SLC44A5: variants seen among roughly 807,000 people sequenced by gnomAD.
SLC44A5 encodes the protein solute carrier family 44 member 5, also known as choline transporter-like protein 5.
Under a neutral mutation model 101.8 loss-of-function variants are expected in SLC44A5, and 57 were observed. The observed-to-expected ratio is 0.56, with a 90% CI of 0.45 to 0.70. The LOEUF is 0.70. Among genes scored for constraint, SLC44A5 ranks in the 30% least tolerant of loss-of-function variants. SLC44A5 has a pLI of 0.00. For missense variants in SLC44A5, 737 were observed against 853.1 expected (o/e 0.86, Z 1.70); for synonymous variants, 281 against 290.9 (o/e 0.97, Z 0.35).
At chr1:75,646,600 T>G in the SLC44A5 span, among the ~76,000 whole-genome samples, 22 of 151,972 alleles carry the variant, frequency 1.4e-4, no homozygotes, top group South Asian at 3.9e-3. Context: ...TCATGGGAGG[T>G]AATTAGAACA....
chr1:75,340,571 C>T (rs916263856), intron 3 of SLC44A5, among the ~76,000 whole-genome samples: 4 of 152,222 alleles, frequency 2.6e-5, no homozygotes, highest in Admixed American at 2.0e-4. Flanking sequence ...TGCCTCACTG[C>T]AACAGATAAT....
chr1:75,467,964 A>C (rs923656320), intron 2 of SLC44A5, among the ~76,000 whole-genome samples: 2 of 152,098 alleles, frequency 1.3e-5, no homozygotes, highest in African/African-American at 4.8e-5. Flanking sequence ...ATACATAAGG[A>C]ACTCAACTCT....
the SLC44A5 span, among the ~76,000 whole-genome samples, chr1:75,693,884 T>C: frequency 1.3e-5 from 2 of 151,876 alleles, no homozygotes; most frequent in South Asian, 4.2e-4. Context: ...TTTAGCAAGA[T>C]AAAAAGTAAT....
At chr1:75,321,113 T>A (rs753453875) in intron 4 of SLC44A5, among the ~76,000 whole-genome samples, 1 of 152,180 alleles carries the variant, frequency 6.6e-6, no homozygotes, top group Non-Finnish European at 1.5e-5. Flanking sequence ...CATTTGTTGC[T>A]CAGAAATCTT....
intron 13 of SLC44A5, among the ~76,000 whole-genome samples, chr1:75,226,885 A>C (rs2100537613): frequency 6.6e-6 from 1 of 152,314 alleles, no homozygotes; most frequent in Admixed American, 6.5e-5. Flanking sequence ...CATTTAAATA[A>C]ATATTTACAT....
chr1:75,225,139 C>T (rs1450762985), intron 13 of SLC44A5, among the ~76,000 whole-genome samples: 1 of 152,118 alleles, frequency 6.6e-6, no homozygotes, highest in East Asian at 1.9e-4. Flanking sequence ...ACACGGGTAC[C>T]ATTTTAAAAA....
At chr1:75,711,925 A>G in the SLC44A5 span, among the ~76,000 whole-genome samples, 4 of 152,192 alleles carry the variant, frequency 2.6e-5, no homozygotes. Context: ...TTGGTCTCAG[A>G]TATTTCCAGT....
intron 4 of SLC44A5, among the ~76,000 whole-genome samples, chr1:75,302,164 C>T (rs987569909): frequency 4.2e-5 from 4 of 95,864 alleles, no homozygotes; most frequent in African/African-American, 1.3e-4. Flanking sequence ...AGCAAAAACA[C>T]GCTTGGGTGT....
the SLC44A5 span, among the ~76,000 whole-genome samples, chr1:75,645,028 G>T: frequency 0.077 from 11,650 of 152,052 alleles, 1,502 homozygotes; most frequent in African/African-American, 0.27. Flanking sequence ...GTGTATCATT[G>T]TTGGACATTT....
chr1:75,615,423 A>G (rs1238898867), upstream of SLC44A5, among the ~76,000 whole-genome samples: 3 of 100,774 alleles, frequency 3.0e-5, no homozygotes, highest in Non-Finnish European at 6.2e-5. Flanking sequence ...TCTTACACAC[A>G]CACACACATA....
At chr1:75,491,838 A>T (rs569164816) in intron 2 of SLC44A5, among the ~76,000 whole-genome samples, 2 of 152,300 alleles carry the variant, frequency 1.3e-5, no homozygotes, top group East Asian at 1.9e-4. Flanking sequence ...TTCTAAAGAA[A>T]GGTTATTTTG....
At chr1:75,415,228 G>C (rs979768398) in intron 2 of SLC44A5, among the ~76,000 whole-genome samples, 3 of 152,170 alleles carry the variant, frequency 2.0e-5, no homozygotes, top group African/African-American at 7.2e-5. Flanking sequence ...TGTTGTGGGA[G>C]GGACCTGGTG....
chr1:75,560,670 G>A (rs1182204216), intron 1 of SLC44A5, among the ~76,000 whole-genome samples: 2 of 152,076 alleles, frequency 1.3e-5, no homozygotes, highest in South Asian at 4.1e-4. Flanking sequence ...TTTTGTCTGT[G>A]GCAGATTTGG....
At chr1:75,317,871 C>T (rs1229154923) in intron 4 of SLC44A5, among the ~76,000 whole-genome samples, 2 of 152,090 alleles carry the variant, frequency 1.3e-5, no homozygotes, top group African/African-American at 2.4e-5. Context: ...ACCTAAGTAC[C>T]TCCAAAGGCC....
chr1:75,510,394 T>G (rs1669502251), intron 2 of SLC44A5, among the ~76,000 whole-genome samples: 2 of 152,126 alleles, frequency 1.3e-5, no homozygotes, highest in African/African-American at 4.8e-5. Context: ...ATTTAAGAGA[T>G]AAAAATTTAT....
At chr1:75,388,056 T>C (rs919163215) in intron 3 of SLC44A5, among the ~76,000 whole-genome samples, 3 of 116,810 alleles carry the variant, frequency 2.6e-5, no homozygotes, top group African/African-American at 1.0e-4. Context: ...CTCTGGTGAC[T>C]GTTGTGGGGT....
At chr1:75,659,132 A>T in the SLC44A5 span, among the ~76,000 whole-genome samples, 1 of 151,862 alleles carries the variant, frequency 6.6e-6, no homozygotes, top group Non-Finnish European at 1.5e-5. Flanking sequence ...ACAGTAATAA[A>T]GAGTTTCCCA....
the SLC44A5 span, among the ~76,000 whole-genome samples, chr1:75,620,192 A>T: frequency 6.6e-6 from 1 of 152,114 alleles, no homozygotes; most frequent in Non-Finnish European, 1.5e-5. Context: ...ACAGTATTCC[A>T]TGGTGTATAT....
intron 3 of SLC44A5, among the ~76,000 whole-genome samples, chr1:75,374,017 G>A (rs1660402168): frequency 6.6e-6 from 1 of 152,192 alleles, no homozygotes; most frequent in Non-Finnish European, 1.5e-5. Context: ...CACCAGACCA[G>A]TCCAGAAAGG....
Sources: gnomAD v4.1 joint callset for allele counts (sites outside exome capture counted in the v4.1 genomes callset) on GRCh38, gnomAD v4.1.1 for gene constraint, MANE v1.5 for transcripts, NCBI Gene and HGNC (gene_info 2026-07-23, HGNC 2026-07-21) for gene names.